PHACTR2: variants seen among roughly 807,000 people sequenced by gnomAD.
The protein encoded by PHACTR2 is chromosome 6 open reading frame 56.
Under a neutral mutation model 76.0 loss-of-function variants are expected in PHACTR2, and 30 were observed. That is an observed-to-expected ratio of 0.39 (90% confidence interval 0.30 to 0.54). PHACTR2 has a LOEUF of 0.54. Ranked by LOEUF, PHACTR2 falls within the 20% of genes least tolerant of loss-of-function variation. The pLI is 0.61. For synonymous variants in PHACTR2, 292 were observed against 292.5 expected, an observed-to-expected ratio of 1.00 and a Z score of 0.02; for missense variants, 696 against 781.1, an observed-to-expected ratio of 0.89 and a Z score of 1.30.
chr6:143,802,157 G>C (rs1001971019), intron 11 of PHACTR2, among the ~76,000 whole-genome samples: 3 of 152,078 alleles, frequency 2.0e-5, no homozygotes, highest in African/African-American at 7.2e-5. Flanking sequence ...TAATTCTCAT[G>C]ATGCCAAAAT....
At position 143,764,678 on chromosome 6, in the gene PHACTR2, C is replaced by G. The variant is rs1779515055; in HGVS notation, c.695-583C>G. Among the ~76,000 whole-genome samples the G allele has an allele frequency of 6.6e-6, 1 of 152,126 alleles. No individual in the cohort carries two copies. Among genetic ancestry groups the G allele is most frequent in the Non-Finnish European group, 1.5e-5 (1 of 68,032 alleles). On this transcript the variant is annotated intron_variant, in intron 5 of 12. Transcript: ENST00000440869. The surrounding 1 kb of genome is among the most constrained non-coding windows in gnomAD (Gnocchi z 4.7). ...TACTGCAGATGGAAGTAGAGTCCAG[C>G]ATGGCGAGCTTTCTTCTCTGGAGCT...
rs12528236 is a variant in PHACTR2, at chr6:143,818,252, A to G, written c.1923-5422A>G. ...ACACCAGAAAATCACCCCTTCAAAT[A>G]GAAGTACAGATGAAGACATGTTTTG... is the stretch of plus-strand genomic sequence containing the variant. On this transcript the variant is annotated intron_variant, in intron 12 of 12. Coordinates refer to ENST00000440869, the MANE Select transcript of PHACTR2 (RefSeq NM_001100164.2). The surrounding 1 kb of genome is among the most constrained non-coding windows in gnomAD (Gnocchi z 4.9). Among the ~76,000 whole-genome samples the G allele has an allele frequency of 0.23, 34,692 of 152,022 alleles. 4,325 individuals carry two copies. The highest frequency in any genetic ancestry group is 0.32 in the Admixed American group (4,895 of 15,280).
intron 1 of PHACTR2, among the ~76,000 whole-genome samples, chr6:143,563,145 A>T (rs1405935693): frequency 2.0e-5 from 3 of 152,128 alleles, no homozygotes; most frequent in Non-Finnish European, 2.9e-5. Context: ...TTCTTTTTTT[A>T]AAAAAAGCAA....
chr6:143,731,479 G>T lies in PHACTR2; in HGVS notation c.215-17506G>T, dbSNP rs1225019619. Among the ~76,000 whole-genome samples the T allele has an allele frequency of 6.6e-6, 1 of 152,056 alleles. No individual in the cohort carries two copies. Among genetic ancestry groups the T allele is most frequent in the Non-Finnish European group, 1.5e-5 (1 of 67,994 alleles). ...ATTCTGTATTTTTAGTAGAGATTGGGTTTCTCCATGTTGGTCAGGCTGGTC... is the reference window on the plus strand; with the variant it reads ...ATTCTGTATTTTTAGTAGAGATTGGTTTTCTCCATGTTGGTCAGGCTGGTC... On this transcript the variant is annotated intron_variant, in intron 2 of 12. Transcript: ENST00000440869. The surrounding 1 kb of genome is among the most constrained non-coding windows in gnomAD (Gnocchi z 4.9).
Position 143,722,121 on chromosome 6 carries a change from T to C in PHACTR2, c.214+9938T>C, listed in dbSNP as rs1379693630. Among the ~76,000 whole-genome samples the C allele has an allele frequency of 6.6e-6, 1 of 152,192 alleles. No individual in the cohort carries two copies. The highest frequency in any genetic ancestry group is 2.4e-5 in the African/African-American group (1 of 41,448). On this transcript the variant is annotated intron_variant, in intron 2 of 12. Coordinates refer to ENST00000440869, the MANE Select transcript of PHACTR2 (RefSeq NM_001100164.2). The surrounding 1 kb of genome is among the most constrained non-coding windows in gnomAD (Gnocchi z 4.1). ...GGGAGCTGGAAGTTCCCATGAAAACTCTCTATCACTTTTCTGCTTATTTAA... is the reference window on the plus strand; with the variant it reads ...GGGAGCTGGAAGTTCCCATGAAAACCCTCTATCACTTTTCTGCTTATTTAA...
intron 2 of PHACTR2, 138 bp from the exon 3 acceptor site, chr6:143,748,847 G>GT (rs33958582): frequency 2.2e-5 from 12 of 550,416 alleles, no homozygotes; most frequent in South Asian, 4.8e-5. Context: ...CAGATCATGT[G>GT]TTTTTTTTAA....
At chr6:143,790,374 G>A (rs1263231642) in intron 11 of PHACTR2, among the ~76,000 whole-genome samples, 1 of 152,112 alleles carries the variant, frequency 6.6e-6, no homozygotes, top group Non-Finnish European at 1.5e-5. Flanking sequence ...GATAGCGTGG[G>A]AAAAATCACT....
At chr6:143,790,729 T>A (rs570616356) in intron 11 of PHACTR2, among the ~76,000 whole-genome samples, 12 of 151,486 alleles carry the variant, frequency 7.9e-5, no homozygotes, top group East Asian at 3.9e-4. Flanking sequence ...GCTGGAGTGC[T>A]GTGGCTCGAT....
rs1776201482 is a variant in PHACTR2, at chr6:143,623,706, G to A, written c.13+15384G>A. ...TTATTTTTATAAAAACATTTTGTGT[G>A]TGCATAGAGCAATGCTCAATCCCTG... On this transcript the variant is annotated intron_variant, in intron 1 of 11. Coordinates refer to the PHACTR2 transcript ENST00000305766. This position sits in a 1 kb window ranked among gnomAD's most constrained non-coding sequence, Gnocchi z 5.9. 6.6e-6 allele frequency among the ~76,000 whole-genome samples: 1 copy of A among 152,184 alleles called. No homozygotes were observed. Among genetic ancestry groups the A allele is most frequent in the African/African-American group, 2.4e-5 (1 of 41,446 alleles).
rs78936002 is a variant in PHACTR2 at position 143,568,293 on chromosome 6, A to G, written c.217+31086A>G. 6.0e-3 allele frequency among the ~76,000 whole-genome samples: 909 copies of G among 152,338 alleles called. 20 individuals carry two copies. The East Asian group carries it at 0.088, about 15-fold the overall frequency. ...ATGGGTACCATAATTCTTACTTCAC[A>G]GGACTGTTACAGAGATGAGATGAAT... On this transcript the variant is annotated intron_variant, in intron 1 of 11. Transcript: ENST00000367584.
chr6:143,568,892 C>G (rs1209535924), intron 1 of PHACTR2, among the ~76,000 whole-genome samples: 1 of 152,184 alleles, frequency 6.6e-6, no homozygotes, highest in Non-Finnish European at 1.5e-5. Flanking sequence ...TCCAGTATTT[C>G]CACGGAATAG....
rs1346467446 is a variant in PHACTR2, at chr6:143,801,763, T to C, written c.1846-5294T>C. Among the ~76,000 whole-genome samples, 1 of 152,234 alleles carries C rather than the reference T, an allele frequency of 6.6e-6. No individual in the cohort carries two copies. Among genetic ancestry groups the C allele is most frequent in the Non-Finnish European group, 1.5e-5 (1 of 68,040 alleles). On this transcript the variant is annotated intron_variant, in intron 11 of 12. Transcript: ENST00000440869. This position sits in a 1 kb window ranked among gnomAD's most constrained non-coding sequence, Gnocchi z 4.6. ...TTGCTGGCGAGGAGTTGTGATCCTT[T>C]GGAGGAGAAGAGGCATTCTGGTTTT...
chr6:143,635,316 ATG>A (rs71834478), intron 1 of PHACTR2, among the ~76,000 whole-genome samples: 18,970 of 149,810 alleles, frequency 0.13, 1,946 homozygotes, highest in East Asian at 0.38. Flanking sequence ...AGCATTTAGG[ATG>A]TGTGTGTGTG....
Position 143,648,800 on chromosome 6 carries a change from G to A in PHACTR2, c.13+40478G>A, listed in dbSNP as rs1003014098. ...TGGGCATGTGTCTCTGTGTGTGTCT[G>A]TGTATGTCTATGTGTATATCTGTGT... On this transcript the variant is annotated intron_variant, in intron 1 of 11. Coordinates refer to the PHACTR2 transcript ENST00000305766. This position sits in a 1 kb window ranked among gnomAD's most constrained non-coding sequence, Gnocchi z 6.7. Among the ~76,000 whole-genome samples, 2 of 151,932 alleles carry A rather than the reference G, an allele frequency of 1.3e-5. No individual in the cohort carries two copies. The highest frequency in any genetic ancestry group is 1.9e-4 in the East Asian group (1 of 5,190).
At chr6:143,588,344 TGA>T (rs1395114861) in intron 1 of PHACTR2, among the ~76,000 whole-genome samples, 1 of 152,234 alleles carries the variant, frequency 6.6e-6, no homozygotes, top group African/African-American at 2.4e-5. Context: ...TTCAAATTTT[TGA>T]GAACATTTCA....
chr6:143,804,101 C>T (rs2128483062), intron 11 of PHACTR2, among the ~76,000 whole-genome samples: 1 of 152,314 alleles, frequency 6.6e-6, no homozygotes, highest in East Asian at 1.9e-4. Flanking sequence ...TTATTTTGCT[C>T]TCAATTCTGA....
In PHACTR2 at chr6:143,664,210, T is replaced by C. The variant is rs1417153020; in HGVS notation, c.14-47806T>C. 6.6e-6 allele frequency among the ~76,000 whole-genome samples: 1 copy of C among 152,112 alleles called. No homozygotes were observed. Among genetic ancestry groups the C allele is most frequent in the East Asian group, 1.9e-4 (1 of 5,204 alleles). On this transcript the variant is annotated intron_variant, in intron 1 of 11. Coordinates refer to the PHACTR2 transcript ENST00000305766. The surrounding 1 kb of genome is among the most constrained non-coding windows in gnomAD (Gnocchi z 5.1). ...AGTTTTAATTTATCTATTATTAATA[T>C]TGAGATTATAAATTTTCTTTTGGTA...
At chr6:143,675,274 C>T (rs569502745), upstream of PHACTR2, among the ~76,000 whole-genome samples, 2 of 152,108 alleles carry the variant, frequency 1.3e-5, no homozygotes, top group Admixed American at 6.5e-5. The surrounding 1 kb of genome is among the most constrained non-coding windows in gnomAD (Gnocchi z 4.9). Flanking sequence ...TCAGTAGATG[C>T]CATTAGTCTA....
chr6:143,555,582 A>G (rs902227991), intron 1 of PHACTR2, among the ~76,000 whole-genome samples: 4 of 152,042 alleles, frequency 2.6e-5, no homozygotes, highest in African/African-American at 9.7e-5. Context: ...AATATTTTAC[A>G]TTTTGGTTAT....
Sources: allele counts gnomAD v4.1 joint callset (sites outside exome capture counted in the v4.1 genomes callset), GRCh38; gene constraint gnomAD v4.1.1; non-coding constraint Gnocchi (gnomAD v3.1); transcripts MANE v1.5; gene names NCBI Gene and HGNC (gene_info 2026-07-23, HGNC 2026-07-21).